ZNF407: variants seen among roughly 807,000 people sequenced by gnomAD.
ZNF407 encodes the protein zinc finger protein 407.
A neutral mutation model predicts 131.2 loss-of-function variants in ZNF407; 17 were observed. The ratio of observed to expected loss-of-function variants is 0.13; its 90% CI spans 0.09 to 0.19. ZNF407 has a LOEUF of 0.19. ZNF407 is among the 10% of genes least tolerant of loss of function. The pLI, the probability that ZNF407 is intolerant of heterozygous loss-of-function variation, is 1.00. For missense variants in ZNF407, 2,681 were observed against 2,830.6 expected (o/e 0.95, Z 1.20); for synonymous variants, 1,156 against 1,062.0 (o/e 1.09, Z -1.72).
intron 3 of ZNF407, among the ~76,000 whole-genome samples, chr18:74,733,706 G>A (rs1247796722): frequency 5.9e-5 from 9 of 152,096 alleles, no homozygotes; most frequent in African/African-American, 1.7e-4. Context: ...GTTAATCCTC[G>A]TGAGCCTGGA....
intron 3 of ZNF407, among the ~76,000 whole-genome samples, chr18:74,676,694 A>G (rs1180746597): frequency 6.6e-6 from 1 of 152,068 alleles, no homozygotes; most frequent in African/African-American, 2.4e-5. Flanking sequence ...TTGGCCTCCC[A>G]GAATGCTGGG....
At chr18:74,768,248 G>A (rs1969285920) in intron 3 of ZNF407, among the ~76,000 whole-genome samples, 1 of 152,272 alleles carries the variant, frequency 6.6e-6, no homozygotes, top group South Asian at 2.1e-4. Context: ...TCTCCCTGAT[G>A]TTCAGTCAAG....
rs1436017826 is a variant in ZNF407, at chr18:74,774,924, TAGTG to T, written c.4803-6501_4803-6498del. Among the ~76,000 whole-genome samples the T allele has an allele frequency of 2.0e-5, 3 of 152,280 alleles. No homozygotes were observed. The East Asian group carries it at 5.8e-4, about 29-fold the overall frequency. ...GAAAAAGTACGTATTAATACATTCTTAGTGAGAGAGAGCAAGGAAGCAGGCATCC... is the reference window on the plus strand; with the variant it reads ...GAAAAAGTACGTATTAATACATTCTTAGAGAGAGCAAGGAAGCAGGCATCC... On this transcript the variant is annotated intron_variant, in intron 3 of 8. Coordinates refer to ENST00000299687, the MANE Select transcript of ZNF407 (RefSeq NM_017757.3).
Position 74,832,447 on chromosome 18 carries a change from G to T in ZNF407, c.4878-44750G>T, listed in dbSNP as rs537893127. Among the ~76,000 whole-genome samples the T allele has an allele frequency of 3.0e-4, 45 of 148,140 alleles. No homozygotes were observed. In the South Asian group the frequency reaches 5.6e-3, roughly 18 times the overall value. ...TGAAATATGATTTTTATTTAAGTTGGTTTTTTTTTTCTTTTTGTTTTTTTT... is the reference window on the plus strand; with the variant it reads ...TGAAATATGATTTTTATTTAAGTTGTTTTTTTTTTTCTTTTTGTTTTTTTT... On this transcript the variant is annotated intron_variant, in intron 4 of 8. Coordinates refer to ENST00000299687, the MANE Select transcript of ZNF407 (RefSeq NM_017757.3).
intron 3 of ZNF407, among the ~76,000 whole-genome samples, chr18:74,767,059 G>A (rs750450114): frequency 1.1e-4 from 16 of 151,962 alleles, no homozygotes; most frequent in African/African-American, 3.4e-4. Context: ...CCACAGGTGC[G>A]CACCATCATG....
chr18:74,657,396 T>C (rs1164147971), intron 3 of ZNF407, among the ~76,000 whole-genome samples: 1 of 152,170 alleles, frequency 6.6e-6, no homozygotes. Context: ...ATAATACACA[T>C]ATTTGTGTCA....
At chr18:74,895,664 T>C (rs1338998943) in intron 7 of ZNF407, among the ~76,000 whole-genome samples, 1 of 152,234 alleles carries the variant, frequency 6.6e-6, no homozygotes, top group Non-Finnish European at 1.5e-5. Context: ...TTTCAGGTCA[T>C]AGATAACAGT....
intron 4 of ZNF407, among the ~76,000 whole-genome samples, chr18:74,800,998 C>T (rs1341948709): frequency 6.6e-6 from 1 of 152,042 alleles, no homozygotes. Flanking sequence ...CAAAGAGTCT[C>T]TTCCATAAAT....
intron 4 of ZNF407, among the ~76,000 whole-genome samples, chr18:74,811,919 A>G (rs1404640939): frequency 1.3e-5 from 2 of 151,676 alleles, no homozygotes; most frequent in African/African-American, 2.4e-5. Context: ...ATTAGGAGAT[A>G]TACCTAATGC....
At chr18:74,604,862 G>A (rs1188825263) in intron 1 of ZNF407, among the ~76,000 whole-genome samples, 1 of 152,090 alleles carries the variant, frequency 6.6e-6, no homozygotes, top group African/African-American at 2.4e-5. Flanking sequence ...TGCATCCCAA[G>A]GGCACCCGAA....
At chr18:75,022,638 C>T (rs533579574) in intron 8 of ZNF407, among the ~76,000 whole-genome samples, 22 of 152,070 alleles carry the variant, frequency 1.4e-4, no homozygotes, top group Admixed American at 3.9e-4. Flanking sequence ...GTCAGAATGG[C>T]GATTATCAAA....
At chr18:74,639,178 C>T (rs1044173085) in intron 2 of ZNF407, among the ~76,000 whole-genome samples, 3 of 152,122 alleles carry the variant, frequency 2.0e-5, no homozygotes, top group African/African-American at 4.8e-5. Flanking sequence ...AGAGACCCCA[C>T]GTCCCTTTCT....
At chr18:75,059,600 G>A (rs1352529094) in intron 8 of ZNF407, among the ~76,000 whole-genome samples, 1 of 152,184 alleles carries the variant, frequency 6.6e-6, no homozygotes, top group African/African-American at 2.4e-5. Context: ...GGGAGAAATT[G>A]CAAGCATACC....
At chr18:74,629,341 A>G (rs909550757) in intron 1 of ZNF407, among the ~76,000 whole-genome samples, 2 of 152,190 alleles carry the variant, frequency 1.3e-5, no homozygotes, top group African/African-American at 4.8e-5. Context: ...TGTATTATGT[A>G]TATTTTCTAT....
Position 74,648,837 on chromosome 18 carries a change from C to T in ZNF407, c.4802+7715C>T, listed in dbSNP as rs898300701. Among the ~76,000 whole-genome samples the T allele has an allele frequency of 4.6e-5, 7 of 152,288 alleles. No individual in the cohort carries two copies. The East Asian group carries it at 1.4e-3, about 29-fold the overall frequency. ...TCTGGATGGGCAATTTCAGTTGGGA[C>T]AGGAAACCATTAATTTTTAAAAAGT... On this transcript the variant is annotated intron_variant, in intron 3 of 8. Transcript: ENST00000299687.
intron 3 of ZNF407, among the ~76,000 whole-genome samples, chr18:74,729,632 T>C (rs926636555): frequency 6.6e-6 from 1 of 152,136 alleles, no homozygotes; most frequent in Non-Finnish European, 1.5e-5. Flanking sequence ...TAGGTATAAG[T>C]AAGTTCATTC....
intron 4 of ZNF407, among the ~76,000 whole-genome samples, chr18:74,844,661 T>A (rs1895609926): frequency 1.3e-5 from 2 of 152,154 alleles, no homozygotes; most frequent in Non-Finnish European, 2.9e-5. Context: ...AATTTTTAAA[T>A]TATTTAAAAT....
intron 4 of ZNF407, among the ~76,000 whole-genome samples, chr18:74,876,939 C>T (rs1220967523): frequency 6.6e-6 from 1 of 152,180 alleles, no homozygotes; most frequent in East Asian, 1.9e-4. Context: ...CTCACTTTTG[C>T]CTCAGGGGTG....
At chr18:74,972,623 G>A (rs1972485277) in intron 8 of ZNF407, among the ~76,000 whole-genome samples, 1 of 152,154 alleles carries the variant, frequency 6.6e-6, no homozygotes, top group Non-Finnish European at 1.5e-5. Flanking sequence ...TTAAAGCTCT[G>A]TTGCTTGGTG....
Sources: allele counts gnomAD v4.1 joint callset (sites outside exome capture counted in the v4.1 genomes callset), GRCh38; gene constraint gnomAD v4.1.1; transcripts MANE v1.5; gene names NCBI Gene and HGNC (gene_info 2026-07-23, HGNC 2026-07-21).